SLC7A14: variants seen among roughly 807,000 people sequenced by gnomAD.
The protein encoded by SLC7A14 is solute carrier family 7 member 14.
A neutral mutation model predicts 60.2 loss-of-function variants in SLC7A14; 37 were observed. The observed-to-expected ratio is 0.61, with a 90% CI of 0.47 to 0.81. The LOEUF (loss-of-function observed/expected upper bound fraction) is 0.81. Ranked by LOEUF, SLC7A14 falls within the 30% of genes least tolerant of loss-of-function variation. The pLI is 0.00. For synonymous variants in SLC7A14, 399 were observed against 395.8 expected, an observed-to-expected ratio of 1.01 and a Z score of -0.10; for missense variants, 886 against 982.7, an observed-to-expected ratio of 0.90 and a Z score of 1.32.
intron 1 of SLC7A14, among the ~76,000 whole-genome samples, chr3:170,529,872 C>G (rs188983205): frequency 1.3e-5 from 2 of 152,240 alleles, no homozygotes; most frequent in Admixed American, 6.5e-5. Flanking sequence ...GGTTATGCCT[C>G]TACAAGCAAA....
chr3:170,514,629 G>T (rs1020224388), intron 2 of SLC7A14, among the ~76,000 whole-genome samples: 2 of 152,184 alleles, frequency 1.3e-5, no homozygotes, highest in African/African-American at 4.8e-5. Context: ...AATTCTTCTT[G>T]GGCATATACT....
chr3:170,556,746 C>G (rs1714494030), intron 1 of SLC7A14, among the ~76,000 whole-genome samples: 1 of 152,156 alleles, frequency 6.6e-6, no homozygotes, highest in African/African-American at 2.4e-5. Context: ...AACCCAGGCC[C>G]TATTTAGGCA....
intron 7 of SLC7A14, among the ~76,000 whole-genome samples, chr3:170,472,641 C>T (rs1415001092): frequency 6.6e-6 from 1 of 150,522 alleles, no homozygotes; most frequent in Non-Finnish European, 1.5e-5. Context: ...GCGGTGGGCA[C>T]CTGTAGTCCC....
intron 1 of SLC7A14, among the ~76,000 whole-genome samples, chr3:170,561,700 G>C (rs967035761): frequency 3.9e-5 from 6 of 152,164 alleles, no homozygotes; most frequent in African/African-American, 1.4e-4. Flanking sequence ...CGAGTAAACA[G>C]ACAACACACA....
intron 7 of SLC7A14, among the ~76,000 whole-genome samples, chr3:170,477,114 C>T (rs1032540797): frequency 3.9e-5 from 6 of 152,218 alleles, no homozygotes; most frequent in East Asian, 1.9e-4. Context: ...CTCTATCGAA[C>T]GTTCTAATGA....
At chr3:170,569,766 C>A (rs1183945347) in intron 1 of SLC7A14, among the ~76,000 whole-genome samples, 1 of 152,052 alleles carries the variant, frequency 6.6e-6, no homozygotes, top group Non-Finnish European at 1.5e-5. Flanking sequence ...GGAATTTATC[C>A]ATTTTTTCTA....
At chr3:170,496,274 G>A in intron 4 of SLC7A14, 2 of 970,340 alleles carry the variant, frequency 2.1e-6, no homozygotes, top group Non-Finnish European at 3.4e-6. Flanking sequence ...CTGAGAGCAT[G>A]TACCAGATCA....
Position 170,463,996 on chromosome 3 carries a change from A to G in SLC7A14, c.*3059T>C, listed in dbSNP as rs1739659865. On this transcript the variant is annotated 3_prime_UTR_variant, in exon 8 of 8. Transcript: ENST00000231706. ...TCTTCTTGTCATTACCACTAATTCTATTATTTTTCATGGTGTCACTCATTG... is the reference window on the plus strand; with the variant it reads ...TCTTCTTGTCATTACCACTAATTCTGTTATTTTTCATGGTGTCACTCATTG... The G allele has an allele frequency of 6.6e-6, 1 of 152,138 alleles. No homozygotes were observed. Among genetic ancestry groups the G allele is most frequent in the Non-Finnish European group, 1.5e-5 (1 of 68,010 alleles). The allele number at this position is 152,138 out of a possible 1,614,324, so 9.4% of individuals were successfully genotyped here.
intron 1 of SLC7A14, among the ~76,000 whole-genome samples, chr3:170,528,954 G>T (rs1015611552): frequency 6.6e-6 from 1 of 152,330 alleles, no homozygotes; most frequent in Admixed American, 6.5e-5. Flanking sequence ...GCCAAGCATG[G>T]CGTGAGGCTT....
intron 7 of SLC7A14, among the ~76,000 whole-genome samples, chr3:170,475,465 A>G (rs1161654057): frequency 6.6e-6 from 1 of 152,218 alleles, no homozygotes; most frequent in Non-Finnish European, 1.5e-5. Flanking sequence ...TTCAGAGGTG[A>G]CATATTTATC....
chr3:170,522,672 G>T (rs1157206148), intron 2 of SLC7A14, among the ~76,000 whole-genome samples: 1 of 152,204 alleles, frequency 6.6e-6, no homozygotes, highest in East Asian at 1.9e-4. Flanking sequence ...GCAGCCTGGA[G>T]AAATTATTTT....
At chr3:170,514,375 G>T (rs1713085667) in intron 2 of SLC7A14, among the ~76,000 whole-genome samples, 1 of 152,234 alleles carries the variant, frequency 6.6e-6, no homozygotes, top group African/African-American at 2.4e-5. Flanking sequence ...GCTGTCGGCA[G>T]GTACCATGCC....
At chr3:170,580,418 A>G (rs181039231) in intron 1 of SLC7A14, among the ~76,000 whole-genome samples, 201 of 152,340 alleles carry the variant, frequency 1.3e-3, no homozygotes, top group African/African-American at 4.7e-3. Flanking sequence ...AGAGGTAAAC[A>G]AGTCCAATGA....
At chr3:170,544,876 T>A (rs1307496208) in intron 1 of SLC7A14, among the ~76,000 whole-genome samples, 1 of 152,188 alleles carries the variant, frequency 6.6e-6, no homozygotes, top group Non-Finnish European at 1.5e-5. Flanking sequence ...CATGACTCCA[T>A]TCAGAGCAGA....
chr3:170,564,252 A>G (rs2108311760), intron 1 of SLC7A14, among the ~76,000 whole-genome samples: 1 of 152,344 alleles, frequency 6.6e-6, no homozygotes, highest in South Asian at 2.1e-4. Context: ...CTGATTCTGA[A>G]TCATTTCCAG....
chr3:170,507,942 T>C (rs887063697), intron 2 of SLC7A14, among the ~76,000 whole-genome samples: 5 of 152,162 alleles, frequency 3.3e-5, no homozygotes, highest in Non-Finnish European at 2.9e-5. Flanking sequence ...TGGGAAGAGG[T>C]GTCAGTTGCT....
At chr3:170,492,806 T>G (rs975093679) in intron 4 of SLC7A14, among the ~76,000 whole-genome samples, 1 of 152,208 alleles carries the variant, frequency 6.6e-6, no homozygotes, top group Non-Finnish European at 1.5e-5. Flanking sequence ...TCAGCCAGTC[T>G]GCCGGATGCC....
Position 170,480,849 on chromosome 3 carries a change from G to T in SLC7A14, c.1433C>A (p.Thr478Asn). Residue 478 changes from threonine (T) to asparagine (N), a missense_variant, in exon 7 of 8, where the codon ACC (threonine) becomes AAC (asparagine). Physicochemically the swap from Thr to Asn is moderately conservative, Grantham distance 65. Transcript: ENST00000231706. Reference protein sequence around the residue: ...SEGDEFSGPATNTCGAKNLPS... With the variant: ...SEGDEFSGPANNTCGAKNLPS... ...TAAGTTCTTGGCCCCACATGTGTTG[G>T]TGGCTGGGCCAGAAAACTCATCCCC... The T allele has an allele frequency of 6.2e-7, 1 of 1,614,110 alleles. No homozygotes were observed. The highest frequency in any genetic ancestry group is 8.5e-7 in the Non-Finnish European group (1 of 1,180,026).
chr3:170,580,970 G>A (rs976680275), intron 1 of SLC7A14, among the ~76,000 whole-genome samples: 2 of 152,126 alleles, frequency 1.3e-5, no homozygotes, highest in Admixed American at 6.5e-5. Context: ...TTTACTTGAC[G>A]CATAAATAGC....
Sources: gnomAD v4.1 joint callset for allele counts (sites outside exome capture counted in the v4.1 genomes callset) on GRCh38, gnomAD v4.1.1 for gene constraint, MANE v1.5 for transcripts, NCBI Gene and HGNC (gene_info 2026-07-23, HGNC 2026-07-21) for gene names.